PALLD: variants seen among roughly 807,000 people sequenced by gnomAD.
The protein encoded by PALLD is palladin, cytoskeletal associated protein, also known as palladin.
In PALLD, 61 loss-of-function variants were observed where a neutral mutation model predicts 123.5. The observed-to-expected ratio is 0.49, with a 90% CI of 0.40 to 0.61. PALLD has a LOEUF of 0.61. Ranked by LOEUF, PALLD falls within the 20% of genes least tolerant of loss-of-function variation. The pLI, the probability that PALLD is intolerant of heterozygous loss-of-function variation, is 0.00. For synonymous variants in PALLD, 465 were observed against 496.4 expected (o/e 0.94, Z 0.84); for missense variants, 1,273 against 1,377.0 (o/e 0.92, Z 1.20).
chr4:168,666,309 C>CA (rs1353171128), intron 2 of PALLD, among the ~76,000 whole-genome samples: 2 of 152,164 alleles, frequency 1.3e-5, no homozygotes, highest in Non-Finnish European at 2.9e-5. Context: ...AATGTAGAAA[C>CA]ACTCTAATTC....
Position 168,890,977 on chromosome 4 carries a change from C to G in PALLD, c.2020C>G (p.Gln674Glu), listed in dbSNP as rs756478449. ...TAGAATAGCCTCCGATGAGGAAATT[C>G]AAGGCACAAAGGATGCTGTTATTCA... ...TARIASDEEIQGTKDAVIQDL... is the reference protein window; with the variant it reads ...TARIASDEEIEGTKDAVIQDL... The change falls in exon 11 of 22, where the codon CAA (glutamine) becomes GAA (glutamate). Residue 674 changes from glutamine to glutamate, a missense_variant. Gln to Glu is a conservative substitution (Grantham distance 29, BLOSUM62 2). This residue lies in a region of PALLD where 944 missense variants were observed against 954.5 expected (regional missense o/e 0.99). Coordinates refer to ENST00000505667, the MANE Select transcript of PALLD (RefSeq NM_001166108.2). The G allele has an allele frequency of 6.2e-7, 1 of 1,613,968 alleles. No homozygotes were observed. Among genetic ancestry groups the G allele is most frequent in the South Asian group, 1.1e-5 (1 of 91,072 alleles).
At chr4:168,647,898 A>G (rs1777634141) in intron 2 of PALLD, 1 of 152,124 alleles carries the variant, frequency 6.6e-6, no homozygotes, top group South Asian at 2.1e-4. Flanking sequence ...TGCACTCCTC[A>G]AGTTGAAAAG....
chr4:168,891,188 G>C (rs1754104328), intron 11 of PALLD, 131 bp downstream of exon 11: 6 of 997,186 alleles, frequency 6.0e-6, no homozygotes, highest in Non-Finnish European at 9.3e-6. Context: ...TTTGAGACAG[G>C]GTCACACTTT....
intron 13 of PALLD, chr4:168,898,108 G>A: frequency 3.5e-6 from 1 of 284,372 alleles, no homozygotes; most frequent in South Asian, 3.8e-5. Flanking sequence ...GTACCACCCT[G>A]CATCAGCTTT....
At chr4:168,647,138 A>G (rs1235511599) in intron 2 of PALLD, among the ~76,000 whole-genome samples, 1 of 152,236 alleles carries the variant, frequency 6.6e-6, no homozygotes, top group Non-Finnish European at 1.5e-5. Context: ...TACATTAACC[A>G]TCCACTATGA....
intron 10 of PALLD, among the ~76,000 whole-genome samples, chr4:168,843,730 G>C (rs955783238): frequency 2.0e-5 from 3 of 152,242 alleles, no homozygotes; most frequent in Admixed American, 1.3e-4. Flanking sequence ...AAAGTATTCT[G>C]TGGGGCAAGC....
intron 10 of PALLD, among the ~76,000 whole-genome samples, chr4:168,882,573 C>CA (rs60851968): frequency 0.57 from 86,478 of 151,970 alleles, 26,812 homozygotes; most frequent in East Asian, 0.89. Flanking sequence ...GACATCTCAT[C>CA]TACCTATCTT....
rs117300367 is a variant in PALLD, at chr4:168,773,382, A to G, written c.1964+61459A>G. Among the ~76,000 whole-genome samples, 224 of 152,326 alleles carry G rather than the reference A, an allele frequency of 1.5e-3. 2 individuals are homozygous for G. In the East Asian group the frequency reaches 0.024, roughly 16 times the overall value. ...AGCCCTAGAAATAGTCTGGACTACA[A>G]GCAGGTCTTTTTAAAACCATGCTCC... is the stretch of plus-strand genomic sequence containing the variant. On this transcript the variant is annotated intron_variant, in intron 10 of 21. Coordinates refer to ENST00000505667, the MANE Select transcript of PALLD (RefSeq NM_001166108.2).
chr4:168,797,204 A>C (rs1056976691), intron 10 of PALLD, among the ~76,000 whole-genome samples: 3 of 152,164 alleles, frequency 2.0e-5, no homozygotes, highest in Admixed American at 2.0e-4. Flanking sequence ...CAAAGAAAAA[A>C]AGAAACAATC....
chr4:168,834,156 G>C (rs1412023837), intron 10 of PALLD, among the ~76,000 whole-genome samples: 1 of 152,028 alleles, frequency 6.6e-6, no homozygotes, highest in Non-Finnish European at 1.5e-5. Flanking sequence ...CTCTGGCTAT[G>C]TGAAAACTTG....
chr4:168,804,441 GT>G (rs111462857), intron 10 of PALLD, among the ~76,000 whole-genome samples: 23,317 of 152,248 alleles, frequency 0.15, 1,989 homozygotes, highest in Admixed American at 0.2. Flanking sequence ...ATACATAGTA[GT>G]TTAAAAAACT....
intron 10 of PALLD, among the ~76,000 whole-genome samples, chr4:168,851,625 C>G (rs951861346): frequency 2.0e-5 from 3 of 152,150 alleles, no homozygotes; most frequent in African/African-American, 7.2e-5. Context: ...TCCTTGGCCT[C>G]CCAAAGTGCT....
chr4:168,650,364 G>T (rs529541137), intron 2 of PALLD, among the ~76,000 whole-genome samples: 1 of 152,136 alleles, frequency 6.6e-6, no homozygotes, highest in Non-Finnish European at 1.5e-5. Flanking sequence ...AACCACGATG[G>T]TATAGAATAG....
At chr4:168,910,346 T>C (rs1758675164) in intron 15 of PALLD, among the ~76,000 whole-genome samples, 1 of 151,594 alleles carries the variant, frequency 6.6e-6, no homozygotes, top group Non-Finnish European at 1.5e-5. Flanking sequence ...CACTAACAAG[T>C]ACATTTCAGT....
At chr4:168,595,937 T>C (rs943248033) in intron 2 of PALLD, among the ~76,000 whole-genome samples, 24 of 144,868 alleles carry the variant, frequency 1.7e-4, no homozygotes, top group African/African-American at 6.0e-4. Context: ...GAAATAAAAA[T>C]TGAAAAGGAA....
chr4:168,605,126 T>C (rs193152360), intron 2 of PALLD, among the ~76,000 whole-genome samples: 16 of 152,306 alleles, frequency 1.1e-4, no homozygotes, highest in African/African-American at 3.8e-4. Context: ...GTGATGTTTC[T>C]GGTGGTCACT....
At chr4:168,540,224 G>T (rs190523158) in intron 2 of PALLD, among the ~76,000 whole-genome samples, 2 of 152,234 alleles carry the variant, frequency 1.3e-5, no homozygotes, top group Admixed American at 6.5e-5. Context: ...TTCCATAGTC[G>T]TCATAGGCGA....
chr4:168,601,440 C>G (rs1435538819), intron 2 of PALLD, among the ~76,000 whole-genome samples: 1 of 152,008 alleles, frequency 6.6e-6, no homozygotes, highest in Non-Finnish European at 1.5e-5. Context: ...AGAGAACCAC[C>G]CTCCACCACT....
chr4:168,681,802 C>A (rs1309433050), intron 4 of PALLD, among the ~76,000 whole-genome samples: 1 of 152,090 alleles, frequency 6.6e-6, no homozygotes, highest in East Asian at 1.9e-4. Context: ...CCTGCCTCAG[C>A]TTCCCAAATT....
Sources: gnomAD v4.1 joint callset for allele counts (sites outside exome capture counted in the v4.1 genomes callset) on GRCh38, gnomAD v4.1.1 for gene constraint, gnomAD v4.1.1 regional missense constraint, MANE v1.5 for transcripts, NCBI Gene and HGNC (gene_info 2026-07-23, HGNC 2026-07-21) for gene names.